Variants in C1orf35 observed in about 807,000 individuals in gnomAD.
C1orf35 encodes the protein multiple myeloma tumor-associated protein 2.
C1orf35 carries 36 observed loss-of-function variants against 30.9 expected under a neutral mutation model. The observed-to-expected ratio is 1.16, with a 90% CI of 0.89 to 1.54. C1orf35 has a LOEUF of 1.54. Ranked by LOEUF, C1orf35 falls within the 40% of genes most tolerant of loss-of-function variation. C1orf35 has a pLI of 0.00. For missense variants in C1orf35, 396 were observed against 358.7 expected (o/e 1.10, Z -0.84); for synonymous variants, 179 against 148.2 (o/e 1.21, Z -1.51).
rs1298383486 is a variant in C1orf35, at chr1:228,103,054, G to A, written c.95-5C>T. On this transcript the variant is annotated splice_polypyrimidine_tract_variant and splice_region_variant and intron_variant, in intron 1 of 7. Coordinates refer to ENST00000272139, the MANE Select transcript of C1orf35 (RefSeq NM_024319.4). Reference sequence around the variant, plus strand: ...CCGGCGCCATCAGCGAGTTGCCTGCGGACGTAGACGCTGTGAGTCCAGCGC... The same window carrying A: ...CCGGCGCCATCAGCGAGTTGCCTGCAGACGTAGACGCTGTGAGTCCAGCGC... 2 of 1,599,510 alleles carry A rather than the reference G, an allele frequency of 1.3e-6. No homozygotes were observed. The highest frequency in any genetic ancestry group is 2.3e-5 in the East Asian group (1 of 44,078).
At position 228,102,113 on chromosome 1, in the gene C1orf35, C is replaced by T; in HGVS notation, c.500G>A (p.Arg167Lys). The T allele has an allele frequency of 6.3e-7, 1 of 1,582,156 alleles. No homozygotes were observed. Among genetic ancestry groups the T allele is most frequent in the Non-Finnish European group, 8.5e-7 (1 of 1,172,076 alleles). Residue 167 changes from arginine to lysine, a missense_variant, in exon 6 of 8, where the codon AGG becomes AAG. Physicochemically the swap from Arg to Lys is conservative, Grantham distance 26. Coordinates refer to ENST00000272139, the MANE Select transcript of C1orf35 (RefSeq NM_024319.4). ...GPGTSAASAR[R>K]KPRAEDQTES... ...CGTCTGATCCTCCGCCCGCGGCTTCCTCCTGGCCGAGGCTGCCGAGGTCCC... is the reference window on the plus strand; with the variant it reads ...CGTCTGATCCTCCGCCCGCGGCTTCTTCCTGGCCGAGGCTGCCGAGGTCCC...
At chr1:228,102,582 G>A (rs1415985296) in intron 3 of C1orf35, 22 bp from the exon 4 acceptor site, 3 of 1,574,976 alleles carry the variant, frequency 1.9e-6, no homozygotes, top group Non-Finnish European at 1.7e-6. Context: ...AGAGCACAGG[G>A]AGCGCTCGAG....
rs2032938034 is a variant in C1orf35, at chr1:228,101,260, G to A, written c.669-6C>T. Reference sequence around the variant, plus strand: ...CATGGTGGTGGTGCCTGGGCCTGGGGAGACCAATGGCAGTCAGTCACTCGG... The same window carrying A: ...CATGGTGGTGGTGCCTGGGCCTGGGAAGACCAATGGCAGTCAGTCACTCGG... On this transcript the variant is annotated splice_region_variant and splice_polypyrimidine_tract_variant and intron_variant, in intron 7 of 7. Coordinates refer to ENST00000272139, the MANE Select transcript of C1orf35 (RefSeq NM_024319.4). 1.2e-6 allele frequency: 2 copies of A among 1,614,150 alleles called. No individual in the cohort carries two copies. Among genetic ancestry groups the A allele is most frequent in the East Asian group, 2.2e-5 (1 of 44,882 alleles).
rs771778489 is a variant in C1orf35, at chr1:228,102,066, T to C, written c.533+14A>G. 6.5e-7 allele frequency: 1 copy of C among 1,539,716 alleles called. No homozygotes were observed. Among genetic ancestry groups the C allele is most frequent in the Non-Finnish European group, 8.7e-7 (1 of 1,148,814 alleles). On this transcript the variant is annotated intron_variant, in intron 6 of 7. Transcript: ENST00000272139. ...CACCCCGGGGCACAGCTAGCCCAGGTGGCACAGCCTCACCTGCTTTCCGTC... is the reference window on the plus strand; with the variant it reads ...CACCCCGGGGCACAGCTAGCCCAGGCGGCACAGCCTCACCTGCTTTCCGTC...
chr1:228,100,827 T>C lies in C1orf35; in HGVS notation c.*304A>G. 1 of 444,760 alleles carries C rather than the reference T, an allele frequency of 2.2e-6. No individual in the cohort carries two copies. The highest frequency in any genetic ancestry group is 4.1e-6 in the Non-Finnish European group (1 of 244,840). The allele number at this position is 444,760 out of a possible 1,614,324, so 27.6% of individuals were successfully genotyped here. Reference sequence around the variant, plus strand: ...CACAGTTAGACCGCTCATAGGCCCATGGCTGCTGCAACCATGGGCAGGACA... The same window carrying C: ...CACAGTTAGACCGCTCATAGGCCCACGGCTGCTGCAACCATGGGCAGGACA... On this transcript the variant is annotated 3_prime_UTR_variant, in exon 8 of 8. Transcript: ENST00000272139.
chr1:228,101,173 C>G lies in C1orf35; in HGVS notation c.750G>C (p.Arg250Ser), dbSNP rs1410586057. 2 of 1,613,986 alleles carry G rather than the reference C, an allele frequency of 1.2e-6. No homozygotes were observed. The highest frequency in any genetic ancestry group is 2.2e-5 in the South Asian group (2 of 91,090). Reference protein sequence around the residue: ...RRKRGHSGDRRSPSRRWHDRG... With the variant: ...RRKRGHSGDRSSPSRRWHDRG... ...TGTCATGCCACCTGCGAGACGGGCT[C>G]CTCCTGTCCCCACTGTGTCCCCGCT... Residue 250 changes from arginine to serine, a missense_variant, in exon 8 of 8, where the codon AGG becomes AGC. Coordinates refer to ENST00000272139, the MANE Select transcript of C1orf35 (RefSeq NM_024319.4).
At position 228,101,062 on chromosome 1, in the gene C1orf35, G is replaced by C. The variant is rs888061097; in HGVS notation, c.*69C>G. 6.3e-7 allele frequency: 1 copy of C among 1,594,260 alleles called. No homozygotes were observed. Among genetic ancestry groups the C allele is most frequent in the Non-Finnish European group, 8.5e-7 (1 of 1,175,040 alleles). ...CTTCACCCACACCCAAGGAGCTTCC[G>C]AGGCAGGAGGCAAGCAAGGTGAAGG... On this transcript the variant is annotated 3_prime_UTR_variant, in exon 8 of 8. Coordinates refer to ENST00000272139, the MANE Select transcript of C1orf35 (RefSeq NM_024319.4).
At chr1:228,101,566 C>A in intron 6 of C1orf35, 93 bp from the exon 7 acceptor site, 1 of 1,559,300 alleles carries the variant, frequency 6.4e-7, no homozygotes, top group South Asian at 1.2e-5. Flanking sequence ...AGCCACCACC[C>A]ACAAGTGCGT....
At position 228,103,287 on chromosome 1, in the gene C1orf35, G is replaced by GACCCGCT. The variant is rs2033027333; in HGVS notation, c.-67_-61dup. ...TTGCAACCTGCAACCCGCAACCCGAGACCCGCTACCCACTACCGTCGGACC... is the reference window on the plus strand; with the variant it reads ...TTGCAACCTGCAACCCGCAACCCGAGACCCGCTACCCGCTACCCACTACCGTCGGACC... On this transcript the variant is annotated 5_prime_UTR_variant, in exon 1 of 8. Coordinates refer to ENST00000272139, the MANE Select transcript of C1orf35 (RefSeq NM_024319.4). The GACCCGCT allele has an allele frequency of 1.9e-6, 3 of 1,578,190 alleles. No homozygotes were observed. The highest frequency in any genetic ancestry group is 2.3e-5 in the South Asian group (2 of 88,116).
intron 6 of C1orf35, 95 bp downstream of exon 6, chr1:228,101,985 C>T (rs1007858444): frequency 7.0e-7 from 1 of 1,431,224 alleles, no homozygotes; most frequent in African/African-American, 1.4e-5. Context: ...GCCGGTGCGC[C>T]AAGAGAAGCT....
chr1:228,101,428 T>C lies in C1orf35; in HGVS notation c.579A>G (p.Lys193=). 6.2e-7 allele frequency: 1 copy of C among 1,613,280 alleles called. No individual in the cohort carries two copies. Among genetic ancestry groups the C allele is most frequent in the Non-Finnish European group, 8.5e-7 (1 of 1,179,442 alleles). The change falls in exon 7 of 8, where the codon AAA becomes AAG. Residue 193 remains lysine, a synonymous_variant. Transcript: ENST00000272139. The stretch of plus-strand genomic sequence containing the variant: ...TCTTCTCTTTCTTGTGTTTCCTCTT[T>C]TTCTTTTTCTTCTTCTCCTTCTTGC... ...RKSKKEKKKK[K]KRKHKKEKKK...
In C1orf35 at chr1:228,101,171, C is replaced by A. The variant is rs1222225960; in HGVS notation, c.752G>T (p.Ser251Ile). Residue 251 changes from serine (S) to isoleucine (I), a missense_variant, in exon 8 of 8, where the codon AGC becomes ATC. By Grantham distance (142) the Ser-to-Ile change is moderately radical. Transcript: ENST00000272139. ...RKRGHSGDRR[S>I]PSRRWHDRGS... ...TCTGTCATGCCACCTGCGAGACGGG[C>A]TCCTCCTGTCCCCACTGTGTCCCCG... 1 of 1,613,972 alleles carries A rather than the reference C, an allele frequency of 6.2e-7. No individual in the cohort carries two copies. Among genetic ancestry groups the A allele is most frequent in the Non-Finnish European group, 8.5e-7 (1 of 1,180,038 alleles).
In C1orf35 at chr1:228,102,139, G is replaced by GA; in HGVS notation, c.473_474insT (p.Gly159ArgfsTer22). 6 of 1,559,054 alleles carry GA rather than the reference G, an allele frequency of 3.8e-6. No individual in the cohort carries two copies. Among genetic ancestry groups the GA allele is most frequent in the Non-Finnish European group, 5.2e-6 (6 of 1,160,918 alleles). On this transcript the variant is annotated frameshift_variant, in exon 6 of 8. Transcript: ENST00000272139. LOFTEE classifies it high-confidence loss of function. The stretch of plus-strand genomic sequence containing the variant: ...TCCTGGCCGAGGCTGCCGAGGTCCC[G>GA]GGCCCGCCGCTCTCTACGCGGTGAT...
Position 228,102,530 on chromosome 1 carries a change from C to A in C1orf35, c.322G>T (p.Gly108Cys). 1 of 1,557,788 alleles carries A rather than the reference C, an allele frequency of 6.4e-7. No individual in the cohort carries two copies. The highest frequency in any genetic ancestry group is 1.2e-5 in the South Asian group (1 of 85,242). ...TCCACGCCCTTCTCCTCGGGGTCGC[C>A]TCCTTCCCGCTTGCAGACCTCCGCG... Reference protein sequence around the residue: ...DFAEVCKREGGDPEEKGVDRL... With the variant: ...DFAEVCKREGCDPEEKGVDRL... Residue 108 changes from glycine (G) to cysteine (C), a missense_variant, in exon 4 of 8, where the codon GGC (glycine) becomes TGC (cysteine). Coordinates refer to ENST00000272139, the MANE Select transcript of C1orf35 (RefSeq NM_024319.4).
At chr1:228,102,226 G>A in intron 5 of C1orf35, 61 bp from the exon 6 acceptor site, 1 of 1,563,976 alleles carries the variant, frequency 6.4e-7, no homozygotes, top group East Asian at 2.4e-5. Flanking sequence ...ACGCCCCGCA[G>A]CGCCCCGGGG....
At position 228,103,252 on chromosome 1, in the gene C1orf35, G is replaced by C; in HGVS notation, c.-25C>G. Reference sequence around the variant, plus strand: ...TGGCGCCGGGAAGGCAGTTGCCTGGGGCCTGCGGCTTGCAACCTGCAACCC... The same window carrying C: ...TGGCGCCGGGAAGGCAGTTGCCTGGCGCCTGCGGCTTGCAACCTGCAACCC... On this transcript the variant is annotated 5_prime_UTR_variant, in exon 1 of 8. Coordinates refer to ENST00000272139, the MANE Select transcript of C1orf35 (RefSeq NM_024319.4). 6.2e-7 allele frequency: 1 copy of C among 1,607,038 alleles called. No homozygotes were observed. Among genetic ancestry groups the C allele is most frequent in the East Asian group, 2.2e-5 (1 of 44,562 alleles).
Position 228,101,106 on chromosome 1 carries a change from A to G in C1orf35, c.*25T>C. The G allele has an allele frequency of 6.2e-7, 1 of 1,610,676 alleles. No homozygotes were observed. The highest frequency in any genetic ancestry group is 8.5e-7 in the Non-Finnish European group (1 of 1,179,978). ...GTGAAGGGAGGGTTCAGGGTCCCAC[A>G]ACAGCAGTGAGCAGGGTCCAGCCAT... is the stretch of plus-strand genomic sequence containing the variant. On this transcript the variant is annotated 3_prime_UTR_variant, in exon 8 of 8. Transcript: ENST00000272139.
At position 228,100,853 on chromosome 1, in the gene C1orf35, C is replaced by T. The variant is rs1558090094; in HGVS notation, c.*278G>A. 4 of 509,538 alleles carry T rather than the reference C, an allele frequency of 7.9e-6. No individual in the cohort carries two copies. Among genetic ancestry groups the T allele is most frequent in the Admixed American group, 3.4e-5 (1 of 29,318 alleles). 31.6% of individuals were successfully genotyped at this position (509,538 alleles called of 1,614,324 possible). On this transcript the variant is annotated 3_prime_UTR_variant, in exon 8 of 8. Transcript: ENST00000272139. ...GGCTGCTGCAACCATGGGCAGGACA[C>T]AGAGGGAGTCCAGCCTCTACTGATA...
chr1:228,102,205 G>A (rs1458485962), intron 5 of C1orf35, 40 bp from the exon 6 acceptor site: 1 of 1,565,216 alleles, frequency 6.4e-7, no homozygotes, highest in Non-Finnish European at 8.6e-7. Flanking sequence ...TCTGCGGGCC[G>A]GCCCCACACC....
Sources: gnomAD v4.1 joint callset for allele counts on GRCh38, gnomAD v4.1.1 for gene constraint, MANE v1.5 for transcripts, NCBI Gene and HGNC (gene_info 2026-07-23, HGNC 2026-07-21) for gene names.